Variants in PCDH15 observed in about 807,000 individuals in gnomAD.
The protein encoded by PCDH15 is protocadherin related 15, also known as protocadherin-15.
PCDH15 carries 129 observed loss-of-function variants against 178.5 expected under a neutral mutation model. The ratio of observed to expected loss-of-function variants is 0.72; its 90% CI spans 0.63 to 0.84. The LOEUF (loss-of-function observed/expected upper bound fraction) is 0.84. Among genes scored for constraint, PCDH15 ranks in the 40% least tolerant of loss-of-function variants. PCDH15 has a pLI of 0.00. For synonymous variants in PCDH15, 800 were observed against 732.0 expected, an observed-to-expected ratio of 1.09 and a Z score of -1.50; for missense variants, 2,230 against 2,099.9, an observed-to-expected ratio of 1.06 and a Z score of -1.21.
chr10:54,457,241 CA>C (rs560651963), intron 3 of PCDH15, among the ~76,000 whole-genome samples: 1 of 151,810 alleles, frequency 6.6e-6, no homozygotes, highest in Non-Finnish European at 1.5e-5. Flanking sequence ...ATCAAAGTGA[CA>C]AAAAAACGAG....
chr10:54,639,023 C>T (rs988104970), intron 2 of PCDH15, among the ~76,000 whole-genome samples: 4 of 151,972 alleles, frequency 2.6e-5, no homozygotes, highest in African/African-American at 7.3e-5. Context: ...ATATAATAAA[C>T]AATATCCTAC....
chr10:54,109,948 A>C (rs796808498), intron 15 of PCDH15, among the ~76,000 whole-genome samples: 5 of 152,342 alleles, frequency 3.3e-5, no homozygotes, highest in African/African-American at 9.6e-5. Flanking sequence ...AAATATCTCA[A>C]TATCACCCCA....
rs1031639940 is a variant in PCDH15 at position 54,876,389 on chromosome 10, C to T, written c.-29+21061G>A. On this transcript the variant is annotated intron_variant, in intron 3 of 5. Transcript: ENST00000458638. ...CAGCCCATAAATCAAGGAGTAATGT[C>T]GGTGTTCAAGATTTATTACTAAAAA... Among the ~76,000 whole-genome samples, 124 of 152,214 alleles carry T rather than the reference C, an allele frequency of 8.1e-4. 2 individuals carry two copies. Among genetic ancestry groups the T allele is most frequent in the Non-Finnish European group, 7.4e-5 (5 of 68,014 alleles).
chr10:54,762,937 C>CT (rs1428215019), intron 1 of PCDH15, among the ~76,000 whole-genome samples: 1 of 151,988 alleles, frequency 6.6e-6, no homozygotes, highest in African/African-American at 2.4e-5. Context: ...TTGAAATAAT[C>CT]TTTTTATTCT....
At chr10:55,467,401 G>T (rs1839853709) in intron 2 of PCDH15, among the ~76,000 whole-genome samples, 1 of 149,086 alleles carries the variant, frequency 6.7e-6, no homozygotes, top group Non-Finnish European at 1.5e-5. Context: ...TTTAACTAGG[G>T]CATTGCCCTG....
chr10:53,989,667 T>C (rs1564941410), intron 21 of PCDH15, among the ~76,000 whole-genome samples: 1 of 152,114 alleles, frequency 6.6e-6, no homozygotes, highest in Admixed American at 6.5e-5. Context: ...GCTTTGATGT[T>C]AAGGGGAAAA....
intron 8 of PCDH15, among the ~76,000 whole-genome samples, chr10:54,263,369 A>C (rs2057460243): frequency 6.6e-6 from 1 of 152,164 alleles, no homozygotes; most frequent in Non-Finnish European, 1.5e-5. Flanking sequence ...TTGGAGAAGG[A>C]ATCATGTCTT....
chr10:55,248,150 T>C (rs1218033156), intron 1 of PCDH15, among the ~76,000 whole-genome samples: 1 of 151,770 alleles, frequency 6.6e-6, no homozygotes, highest in South Asian at 2.1e-4. Flanking sequence ...ATCTGTCCAT[T>C]TTTTACATAG....
intron 8 of PCDH15, among the ~76,000 whole-genome samples, chr10:54,250,505 G>T (rs926454822): frequency 1.3e-5 from 2 of 150,906 alleles, no homozygotes; most frequent in African/African-American, 2.4e-5. Context: ...GGATGGTCTC[G>T]ATCTCCTGAC....
intron 10 of PCDH15, among the ~76,000 whole-genome samples, chr10:54,202,967 T>G (rs891200636): frequency 1.3e-5 from 2 of 152,166 alleles, no homozygotes; most frequent in Non-Finnish European, 2.9e-5. Context: ...TTATTCTGGG[T>G]GTGGCTACTC....
At chr10:55,613,519 C>T (rs12259821) in intron 2 of PCDH15, among the ~76,000 whole-genome samples, 1,637 of 152,274 alleles carry the variant, frequency 0.011, 23 homozygotes, top group African/African-American at 0.037. Flanking sequence ...TCCTCCTTCC[C>T]TTTCATTGAA....
At chr10:54,565,999 G>A (rs1033471843) in intron 2 of PCDH15, among the ~76,000 whole-genome samples, 4 of 152,232 alleles carry the variant, frequency 2.6e-5, no homozygotes, top group Middle Eastern at 3.4e-3. Flanking sequence ...CAGTAGAATC[G>A]TTTGAAACTG....
chr10:55,510,762 T>C (rs930044858), intron 2 of PCDH15, among the ~76,000 whole-genome samples: 1 of 151,312 alleles, frequency 6.6e-6, no homozygotes, highest in East Asian at 1.9e-4. Context: ...ATTTAGGTTT[T>C]TGATTATACT....
chr10:54,295,915 C>A (rs572288715), intron 8 of PCDH15, among the ~76,000 whole-genome samples: 5 of 150,952 alleles, frequency 3.3e-5, no homozygotes, highest in Non-Finnish European at 4.4e-5. Context: ...GAGGCCGAGG[C>A]GGGCGGATCA....
intron 2 of PCDH15, among the ~76,000 whole-genome samples, chr10:55,356,170 G>A (rs1156721254): frequency 6.6e-6 from 1 of 151,262 alleles, no homozygotes; most frequent in African/African-American, 2.4e-5. Flanking sequence ...CCCTTTTTTT[G>A]TTAATTTCTC....
intron 13 of PCDH15, among the ~76,000 whole-genome samples, chr10:54,169,897 G>A (rs915875938): frequency 9.3e-5 from 14 of 150,950 alleles, no homozygotes; most frequent in Middle Eastern, 3.4e-3. Context: ...CAGAATCTGC[G>A]CCTTATCAAC....
chr10:55,360,583 A>G (rs1015580185), intron 2 of PCDH15, among the ~76,000 whole-genome samples: 16 of 152,018 alleles, frequency 1.1e-4, no homozygotes, highest in African/African-American at 2.4e-5. Flanking sequence ...AGAATACCCA[A>G]ATGGATAATA....
intron 25 of PCDH15, among the ~76,000 whole-genome samples, chr10:53,905,565 G>T (rs532033077): frequency 6.6e-6 from 1 of 152,162 alleles, no homozygotes; most frequent in East Asian, 1.9e-4. Flanking sequence ...TCGAACTCCT[G>T]ACCTCAGGTG....
At chr10:54,702,868 C>T (rs1311593339) in intron 1 of PCDH15, among the ~76,000 whole-genome samples, 1 of 151,968 alleles carries the variant, frequency 6.6e-6, no homozygotes, top group Non-Finnish European at 1.5e-5. Flanking sequence ...AGTCATGCAT[C>T]ATTCTGATAT....
Sources: allele counts gnomAD v4.1 joint callset (sites outside exome capture counted in the v4.1 genomes callset), GRCh38; gene constraint gnomAD v4.1.1; transcripts MANE v1.5; gene names NCBI Gene and HGNC (gene_info 2026-07-23, HGNC 2026-07-21).